The following NTM variants were observed in gnomAD, a reference collection of about 807,000 sequenced individuals.
NTM encodes neurotrimin, also known as IgLON family member 2.
In NTM, 13 loss-of-function variants were observed where a neutral mutation model predicts 42.1. That is an observed-to-expected ratio of 0.31 (90% confidence interval 0.20 to 0.49). NTM has a LOEUF of 0.49. NTM is among the 20% of genes least tolerant of loss of function. NTM has a pLI of 0.99. For missense variants in NTM, 373 were observed against 452.8 expected (o/e 0.82, Z 1.60); for synonymous variants, 187 against 179.2 (o/e 1.04, Z -0.35).
chr11:131,711,382 G>A (rs2077110855), intron 1 of NTM, among the ~76,000 whole-genome samples: 1 of 152,182 alleles, frequency 6.6e-6, no homozygotes, highest in Admixed American at 6.5e-5. Context: ...ATGAAAAAAT[G>A]CTCACCATCA....
At chr11:131,498,538 A>G (rs1419263656) in intron 1 of NTM, among the ~76,000 whole-genome samples, 1 of 152,076 alleles carries the variant, frequency 6.6e-6, no homozygotes, top group African/African-American at 2.4e-5. Flanking sequence ...AAACATACAC[A>G]CACGCACACA....
At chr11:131,613,845 C>A (rs1241023700) in intron 1 of NTM, among the ~76,000 whole-genome samples, 2 of 152,144 alleles carry the variant, frequency 1.3e-5, no homozygotes, top group African/African-American at 4.8e-5. Flanking sequence ...CCTGGGAACA[C>A]CACGTACCTG....
intron 1 of NTM, among the ~76,000 whole-genome samples, chr11:131,695,877 A>C (rs1342655092): frequency 6.6e-6 from 1 of 152,148 alleles, no homozygotes; most frequent in Admixed American, 6.5e-5. Flanking sequence ...TATATATCAG[A>C]GGTCTATGTC....
intron 2 of NTM, among the ~76,000 whole-genome samples, chr11:131,985,651 A>G (rs1281488944): frequency 6.6e-6 from 1 of 152,170 alleles, no homozygotes; most frequent in Non-Finnish European, 1.5e-5. Context: ...GCGGCGTCAT[A>G]GGAAAAAGTT....
At chr11:131,651,008 A>G (rs918871735) in intron 1 of NTM, among the ~76,000 whole-genome samples, 1 of 152,190 alleles carries the variant, frequency 6.6e-6, no homozygotes, top group African/African-American at 2.4e-5. Context: ...TTTTTGGTGC[A>G]TGTGGTTTAC....
At chr11:131,562,725 C>T (rs973099582) in intron 1 of NTM, among the ~76,000 whole-genome samples, 7 of 152,182 alleles carry the variant, frequency 4.6e-5, no homozygotes, top group African/African-American at 1.4e-4. Context: ...TAAGTAATCC[C>T]ATTAACAGTG....
rs151194033 is a variant in NTM at position 132,007,299 on chromosome 11, A to G, written c.167+95651A>G. ...GTGAACATTCTACAGGGTAGTTTGG[A>G]TAAGTGGCAATAAGGGAATGGTGCT... On this transcript the variant is annotated intron_variant, in intron 2 of 8. Transcript: ENST00000683400. 4.2e-3 allele frequency among the ~76,000 whole-genome samples: 643 copies of G among 152,274 alleles called. 2 individuals are homozygous for G. Among genetic ancestry groups the G allele is most frequent in the Middle Eastern group, 0.02 (6 of 294 alleles).
chr11:131,889,638 T>C (rs1409589147), intron 1 of NTM, among the ~76,000 whole-genome samples: 1 of 152,168 alleles, frequency 6.6e-6, no homozygotes. Flanking sequence ...TGGAGCCTGT[T>C]TGCCTAGTAA....
intron 1 of NTM, among the ~76,000 whole-genome samples, chr11:131,515,905 T>A (rs2048837329): frequency 6.6e-6 from 1 of 152,246 alleles, no homozygotes; most frequent in Non-Finnish European, 1.5e-5. Context: ...GTCCATTCTC[T>A]GCTTAGCTTC....
chr11:132,113,890 G>A (rs1019398326), intron 2 of NTM, among the ~76,000 whole-genome samples: 1 of 152,182 alleles, frequency 6.6e-6, no homozygotes, highest in Admixed American at 6.5e-5. Context: ...TCAGGCCCTA[G>A]CTTTCAGCCC....
intron 1 of NTM, among the ~76,000 whole-genome samples, chr11:131,549,118 A>G (rs1419738185): frequency 1.3e-5 from 2 of 152,228 alleles, no homozygotes; most frequent in Non-Finnish European, 2.9e-5. Flanking sequence ...AGCGATATCA[A>G]GAAAACATAG....
At chr11:132,042,678 C>T (rs1261944822) in intron 2 of NTM, among the ~76,000 whole-genome samples, 2 of 152,324 alleles carry the variant, frequency 1.3e-5, no homozygotes, top group South Asian at 2.1e-4. Flanking sequence ...AGCTCGCAGA[C>T]ATCATGGTCA....
At chr11:131,956,217 G>A (rs1253044983) in intron 2 of NTM, among the ~76,000 whole-genome samples, 1 of 152,120 alleles carries the variant, frequency 6.6e-6, no homozygotes, top group African/African-American at 2.4e-5. Flanking sequence ...TTCTGCTCTG[G>A]GCAGTTGCTT....
chr11:132,145,453 G>A (rs2070175510), intron 2 of NTM, among the ~76,000 whole-genome samples: 1 of 152,148 alleles, frequency 6.6e-6, no homozygotes, highest in African/African-American at 2.4e-5. Context: ...TAGTAAGAGA[G>A]GGAAATGAAT....
At chr11:131,677,559 G>C (rs2071643490) in intron 1 of NTM, among the ~76,000 whole-genome samples, 1 of 152,186 alleles carries the variant, frequency 6.6e-6, no homozygotes, top group South Asian at 2.1e-4. Context: ...CTCCTCTCCA[G>C]TTGTCAAGTG....
intron 1 of NTM, among the ~76,000 whole-genome samples, chr11:131,680,111 A>G (rs1004998845): frequency 2.6e-5 from 4 of 152,094 alleles, no homozygotes; most frequent in Non-Finnish European, 4.4e-5. Flanking sequence ...GAACCCAGAC[A>G]AAGACAGTCC....
intron 1 of NTM, among the ~76,000 whole-genome samples, chr11:131,504,998 T>C (rs912523459): frequency 4.6e-5 from 7 of 152,126 alleles, no homozygotes; most frequent in Non-Finnish European, 1.5e-5. Flanking sequence ...GCTGTTGACA[T>C]GAGTTGAGGG....
At chr11:132,221,376 T>A (rs745982879) in intron 4 of NTM, among the ~76,000 whole-genome samples, 15 of 152,210 alleles carry the variant, frequency 9.9e-5, no homozygotes, top group Non-Finnish European at 2.2e-4. Flanking sequence ...AAACTTAATA[T>A]GTTTTTCCAT....
chr11:131,735,140 G>A (rs907202220), intron 1 of NTM, among the ~76,000 whole-genome samples: 1 of 152,190 alleles, frequency 6.6e-6, no homozygotes, highest in Non-Finnish European at 1.5e-5. Flanking sequence ...CAAGGCGGAG[G>A]GGGGAAAGAT....
Sources: allele counts gnomAD v4.1 joint callset (sites outside exome capture counted in the v4.1 genomes callset), GRCh38; gene constraint gnomAD v4.1.1; transcripts MANE v1.5; gene names NCBI Gene and HGNC (gene_info 2026-07-23, HGNC 2026-07-21).